The following NDUFAF6 variants were observed in gnomAD, a reference collection of about 807,000 sequenced individuals.
NDUFAF6 encodes the protein NADH dehydrogenase (ubiquinone) complex I, assembly factor 6.
A neutral mutation model predicts 40.8 loss-of-function variants in NDUFAF6; 45 were observed. The observed-to-expected ratio is 1.10, with a 90% confidence interval of 0.87 to 1.42. The LOEUF (loss-of-function observed/expected upper bound fraction) is 1.42, where lower values mean the gene tolerates loss of function less well. Among genes scored for constraint, NDUFAF6 ranks in the 40% most tolerant of loss-of-function variants. NDUFAF6 has a pLI of 0.00. For missense variants in NDUFAF6, 435 were observed against 418.5 expected, an observed-to-expected ratio of 1.04 and a Z score of -0.34; for synonymous variants, 185 against 155.9, an observed-to-expected ratio of 1.19 and a Z score of -1.39.
chr8:94,930,581 ATTTCTGTTAAGAGGCTGTC>A, intron 1 of NDUFAF6: 1 of 1,614,212 alleles, frequency 6.2e-7, no homozygotes, highest in Non-Finnish European at 8.5e-7. Flanking sequence ...GACGAAGGCT[ATTTCTGTTAAGAGGCTGTC>A]TTTCACTGTG....
intron 2 of NDUFAF6, chr8:94,983,951 C>T (rs1825643088): frequency 6.6e-6 from 1 of 152,176 alleles, no homozygotes; most frequent in African/African-American, 2.4e-5. Context: ...CACTCATGAG[C>T]CTCTGCTCCA....
chr8:95,051,184 T>C (rs74443130), intron 7 of NDUFAF6, among the ~76,000 whole-genome samples: 2,681 of 152,252 alleles, frequency 0.018, 80 homozygotes, highest in African/African-American at 0.06. Context: ...TGAAGGAGAA[T>C]GTACAGAGGA....
chr8:94,932,518 T>G (rs2131321290), intron 1 of NDUFAF6, among the ~76,000 whole-genome samples: 1 of 152,284 alleles, frequency 6.6e-6, no homozygotes, highest in Middle Eastern at 3.4e-3. Flanking sequence ...GAATTTCAAA[T>G]CCCTGCCGGG....
rs919087778 is a variant in NDUFAF6, at chr8:94,923,590, A to T, written c.-935-21893A>T. ...TTCATTTCTGGCTTTTTCTTCCTGT[A>T]TTTCTTTTGCATAATGAGCTGATAG... is the stretch of plus-strand genomic sequence containing the variant. On this transcript the variant is annotated intron_variant, in intron 1 of 14. Coordinates refer to the NDUFAF6 transcript ENST00000396113. Among the ~76,000 whole-genome samples the T allele has an allele frequency of 3.3e-5, 5 of 150,346 alleles. No homozygotes were observed. The South Asian group carries it at 8.5e-4, about 25-fold the overall frequency.
At chr8:95,043,146 A>T (rs1286473554) in intron 4 of NDUFAF6, among the ~76,000 whole-genome samples, 1 of 148,558 alleles carries the variant, frequency 6.7e-6, no homozygotes. Flanking sequence ...GTGCAGTGAC[A>T]CGATCTCGGC....
At chr8:94,940,607 T>A (rs945231396) in intron 1 of NDUFAF6, among the ~76,000 whole-genome samples, 2 of 152,176 alleles carry the variant, frequency 1.3e-5, no homozygotes, top group African/African-American at 2.4e-5. Context: ...GTGCCCTTGA[T>A]CTAATCAATC....
intron 3 of NDUFAF6, chr8:95,036,459 A>G: frequency 7.8e-7 from 1 of 1,289,424 alleles, no homozygotes; most frequent in South Asian, 1.2e-5. Flanking sequence ...AGAACCCCCC[A>G]ACTGGGGATT....
intron 2 of NDUFAF6, among the ~76,000 whole-genome samples, chr8:95,102,073 C>T (rs1211700596): frequency 6.6e-6 from 1 of 152,132 alleles, no homozygotes; most frequent in Non-Finnish European, 1.5e-5. Flanking sequence ...TCTCGGCTCA[C>T]TGCAACCTCC....
At chr8:94,908,185 G>A (rs113364989) in intron 1 of NDUFAF6, among the ~76,000 whole-genome samples, 134 of 152,218 alleles carry the variant, frequency 8.8e-4, no homozygotes, top group African/African-American at 3.0e-3. Flanking sequence ...ACCTCGCATT[G>A]TGCCTGGCCA....
intron 2 of NDUFAF6, 42 bp downstream of exon 2, chr8:95,032,136 G>GCCCGCT: frequency 6.7e-7 from 1 of 1,500,682 alleles, no homozygotes; most frequent in Non-Finnish European, 9.3e-7. Flanking sequence ...GCGAAATGGT[G>GCCCGCT]ATATAAGGTG....
intron 1 of NDUFAF6, chr8:94,975,874 A>G (rs1250811930): frequency 1.3e-5 from 2 of 152,206 alleles, no homozygotes; most frequent in African/African-American, 4.8e-5. Flanking sequence ...AGCACAAGAA[A>G]TCAACTTTGG....
intron 1 of NDUFAF6, among the ~76,000 whole-genome samples, chr8:94,932,295 G>T (rs1377335691): frequency 6.6e-6 from 1 of 152,188 alleles, no homozygotes; most frequent in Non-Finnish European, 1.5e-5. Context: ...AAAATGCAAT[G>T]AAATGTATAC....
intron 5 of NDUFAF6, 137 bp downstream of exon 5, chr8:95,045,784 TG>T: frequency 1.5e-6 from 1 of 654,082 alleles, no homozygotes; most frequent in African/African-American, 1.8e-5. Flanking sequence ...CAGTTTTTTT[TG>T]TTATTATTAT....
chr8:95,048,328 C>A, intron 6 of NDUFAF6, 129 bp from the exon 7 acceptor site: 1 of 721,644 alleles, frequency 1.4e-6, no homozygotes, highest in Admixed American at 2.0e-5. Context: ...TTAAACTGTA[C>A]ATACTGTTCT....
rs908987016 is a variant in NDUFAF6 at position 94,917,002 on chromosome 8, T to C, written c.-936+21075T>C. On this transcript the variant is annotated intron_variant, in intron 1 of 14. Transcript: ENST00000396113. ...GGTGGCGGGCACCTGTAGTCCCAGCTACTCAGGAGGCTAAAGCAGAGAATC... is the reference window on the plus strand; with the variant it reads ...GGTGGCGGGCACCTGTAGTCCCAGCCACTCAGGAGGCTAAAGCAGAGAATC... Among the ~76,000 whole-genome samples, 4 of 148,730 alleles carry C rather than the reference T, an allele frequency of 2.7e-5. No individual in the cohort carries two copies. The Admixed American group carries it at 2.7e-4, about 10-fold the overall frequency.
chr8:94,933,654 A>G (rs1449708847), intron 1 of NDUFAF6, among the ~76,000 whole-genome samples: 2 of 151,978 alleles, frequency 1.3e-5, no homozygotes, highest in Non-Finnish European at 2.9e-5. Flanking sequence ...AGTCCCAGCT[A>G]ATCGGGAGGC....
intron 3 of NDUFAF6, 104 bp from the exon 4 acceptor site, chr8:95,041,466 A>G: frequency 2.5e-6 from 2 of 786,606 alleles, no homozygotes; most frequent in South Asian, 2.9e-5. Flanking sequence ...GTTATTACAA[A>G]TGTTCCCTTA....
chr8:94,939,912 G>A (rs1821355103), intron 1 of NDUFAF6: 1 of 1,614,030 alleles, frequency 6.2e-7, no homozygotes, highest in African/African-American at 1.3e-5. Flanking sequence ...GCCTCACTGA[G>A]ACCAGGGCAG....
chr8:94,961,472 A>G (rs1432944442), intron 1 of NDUFAF6, among the ~76,000 whole-genome samples: 2 of 152,174 alleles, frequency 1.3e-5, no homozygotes, highest in Non-Finnish European at 2.9e-5. Context: ...CCCAGGCTGG[A>G]GTGCAGTGCC....
Sources: gnomAD v4.1 joint callset for allele counts (sites outside exome capture counted in the v4.1 genomes callset) on GRCh38, gnomAD v4.1.1 for gene constraint, MANE v1.5 for transcripts, NCBI Gene and HGNC (gene_info 2026-07-23, HGNC 2026-07-21) for gene names.